The following VWF variants were observed in gnomAD, a reference collection of about 807,000 sequenced individuals.
The protein encoded by VWF is von Willebrand factor, also known as Factor VIII related antigen.
In VWF, 176 loss-of-function variants were observed where a neutral mutation model predicts 308.6. That is an observed-to-expected ratio of 0.57 (90% CI 0.50 to 0.65). The LOEUF (loss-of-function observed/expected upper bound fraction) is 0.65. Ranked by LOEUF, VWF falls within the 30% of genes least tolerant of loss-of-function variation. The pLI is 0.00. For missense variants in VWF, 3,146 were observed against 3,648.2 expected (o/e 0.86, Z 3.55); for synonymous variants, 1,385 against 1,443.4 (o/e 0.96, Z 0.92).
intron 5 of VWF, among the ~76,000 whole-genome samples, chr12:6,099,144 AC>A (rs1314950003): frequency 2.0e-5 from 3 of 151,764 alleles, no homozygotes; most frequent in Non-Finnish European, 4.4e-5. Context: ...ACATGGTGAA[AC>A]CCTGTTTCTA....
Position 6,100,334 on chromosome 12 carries a change from T to C in VWF, c.533-4750A>G, listed in dbSNP as rs7314380. On this transcript the variant is annotated intron_variant, in intron 5 of 51. Transcript: ENST00000261405. Reference sequence around the variant, plus strand: ...TCAACCATTGTGGAAGTCAGTGTGGTGATTCCTCAGGGATCTAGAACTAGA... The same window carrying C: ...TCAACCATTGTGGAAGTCAGTGTGGCGATTCCTCAGGGATCTAGAACTAGA... 9.0e-3 allele frequency among the ~76,000 whole-genome samples: 1,227 copies of C among 135,984 alleles called. 16 individuals are homozygous for C. Among genetic ancestry groups the C allele is most frequent in the African/African-American group, 0.027 (812 of 30,060 alleles). 89.2% of individuals were successfully genotyped at this position (135,984 alleles called of 152,430 possible).
intron 47 of VWF, among the ~76,000 whole-genome samples, chr12:5,966,671 C>T (rs571649377): frequency 4.6e-5 from 7 of 151,918 alleles, no homozygotes; most frequent in Admixed American, 1.3e-4. Flanking sequence ...ACTGTCTCAC[C>T]GAGCTGAGGG....
chr12:6,110,601 G>C lies in VWF; in HGVS notation c.324-19C>G. On this transcript the variant is annotated intron_variant, in intron 4 of 51. Transcript: ENST00000261405. ...GGAGACTCTGGAGGGCAAAGGCTAA[G>C]TTCAGAAGTGGGCTTCTTGTGCATT... 1 of 1,612,514 alleles carries C rather than the reference G, an allele frequency of 6.2e-7. No homozygotes were observed. The highest frequency in any genetic ancestry group is 8.5e-7 in the Non-Finnish European group (1 of 1,178,610).
intron 3 of VWF, among the ~76,000 whole-genome samples, chr12:6,118,432 G>A (rs1166238704): frequency 7.3e-6 from 1 of 137,084 alleles, no homozygotes; most frequent in Admixed American, 8.1e-5. Context: ...TCTGTGCCCA[G>A]GCTGGAGTGC....
chr12:6,044,312 G>A lies in VWF; in HGVS notation c.2421C>T (p.Gly807=). ...TCACCATGCCCGGGGGGCAGAGGCA[G>A]CCAGAGACACAGCCCATGCTCATGC... is the stretch of plus-strand genomic sequence containing the variant. ...LECMSMGCVS[G]CLCPPGMVRH... The change falls in exon 18 of 52, where the codon GGC becomes GGT. Residue 807 remains glycine, a synonymous_variant. Transcript: ENST00000261405. 6.2e-7 allele frequency: 1 copy of A among 1,614,144 alleles called. No individual in the cohort carries two copies. The highest frequency in any genetic ancestry group is 1.3e-5 in the African/African-American group (1 of 75,038).
At chr12:5,989,100 G>T (rs1288785118) in intron 38 of VWF, among the ~76,000 whole-genome samples, 1 of 152,134 alleles carries the variant, frequency 6.6e-6, no homozygotes, top group Non-Finnish European at 1.5e-5. Flanking sequence ...CTGGGCCATG[G>T]ACAAGGTTCC....
At chr12:6,095,327 T>G in intron 6 of VWF, 133 bp downstream of exon 6, 2 of 1,390,056 alleles carry the variant, frequency 1.4e-6, no homozygotes, top group Admixed American at 3.4e-5. Flanking sequence ...CTAGCCACAG[T>G]TAGTTTTGGA....
intron 6 of VWF, among the ~76,000 whole-genome samples, chr12:6,079,373 A>AGTG (rs1944878512): frequency 6.6e-6 from 1 of 152,140 alleles, no homozygotes; most frequent in South Asian, 2.1e-4. Context: ...TTTGGAGGCC[A>AGTG]AGGCGGGCGG....
intron 33 of VWF, 63 bp downstream of exon 33, chr12:6,012,024 T>C: frequency 1.3e-6 from 2 of 1,589,844 alleles, no homozygotes; most frequent in Non-Finnish European, 1.7e-6. Flanking sequence ...AATTAACCAG[T>C]GGGAACAAGA....
At chr12:6,078,040 T>TATC (rs141890617) in intron 6 of VWF, among the ~76,000 whole-genome samples, 375 of 152,138 alleles carry the variant, frequency 2.5e-3, no homozygotes, top group Middle Eastern at 0.014. Context: ...TGATGACCCC[T>TATC]ATCATCATCA....
At chr12:6,021,675 T>C in intron 27 of VWF, 2 of 558,944 alleles carry the variant, frequency 3.6e-6, no homozygotes, top group South Asian at 4.4e-5. Context: ...GGAATATATG[T>C]GGAGGAAGCA....
chr12:6,021,379 C>T (rs574742370), intron 27 of VWF: 8 of 161,814 alleles, frequency 4.9e-5, no homozygotes, highest in Non-Finnish European at 1.1e-4. Context: ...TTCCCAGAGG[C>T]AAGTCCAGTG....
At chr12:6,084,301 C>T (rs535330734) in intron 6 of VWF, among the ~76,000 whole-genome samples, 1 of 152,212 alleles carries the variant, frequency 6.6e-6, no homozygotes, top group African/African-American at 2.4e-5. Flanking sequence ...CTAATTTGCA[C>T]ACTTCCAGCA....
intron 28 of VWF, among the ~76,000 whole-genome samples, chr12:6,017,465 A>G (rs1186691606): frequency 2.0e-5 from 3 of 152,366 alleles, no homozygotes; most frequent in Admixed American, 1.3e-4. Context: ...ACAAAGAAAC[A>G]AAAGTACTGA....
In VWF at chr12:6,095,572, G is replaced by A. The variant is rs372719492; in HGVS notation, c.545C>T (p.Ser182Leu). The change falls in exon 6 of 52, where the codon TCG (serine) becomes TTG (leucine). Residue 182 changes from serine to leucine, a missense_variant. Physicochemically the swap from Ser to Leu is moderately radical, Grantham distance 145. This residue lies in a region of VWF where 1,304 missense variants were observed against 1,353.0 expected (regional missense o/e 0.96). Transcript: ENST00000261405. ...DFMTQEGTLTSDPYDFANSWA... is the reference protein window; with the variant it reads ...DFMTQEGTLTLDPYDFANSWA... ...TGAGTTGGCAAAGTCATAAGGGTCC[G>A]AGGTCAAGGTCCCTGTGGAGGAAAG... 32 of 1,614,062 alleles carry A rather than the reference G, an allele frequency of 2.0e-5. No individual in the cohort carries two copies. In the East Asian group the frequency reaches 2.0e-4, roughly 10 times the overall value.
intron 3 of VWF, among the ~76,000 whole-genome samples, chr12:6,118,925 G>A (rs1591929160): frequency 6.6e-6 from 1 of 152,300 alleles, no homozygotes; most frequent in South Asian, 2.1e-4. Flanking sequence ...TCTGAAGCAA[G>A]TTGGGACCCT....
chr12:6,095,644 GT>G (rs1327091771), intron 5 of VWF, 60 bp from the exon 6 acceptor site: 1 of 1,612,584 alleles, frequency 6.2e-7, no homozygotes, highest in East Asian at 2.2e-5. Context: ...GAACTTCTGG[GT>G]GAAAATTCTA....
At chr12:6,087,651 C>A (rs1281738392) in intron 6 of VWF, among the ~76,000 whole-genome samples, 5 of 151,756 alleles carry the variant, frequency 3.3e-5, no homozygotes, top group Non-Finnish European at 7.4e-5. Flanking sequence ...AGGCTGAGCC[C>A]CCGCGCCTGG....
At chr12:5,967,352 T>C (rs1943414651) in intron 47 of VWF, 134 bp downstream of exon 47, 1 of 821,376 alleles carries the variant, frequency 1.2e-6, no homozygotes, top group African/African-American at 1.7e-5. Flanking sequence ...GTCTCTTCTT[T>C]ATTATTGTCA....
Sources: allele counts gnomAD v4.1 joint callset (sites outside exome capture counted in the v4.1 genomes callset), GRCh38; gene constraint gnomAD v4.1.1; regional missense constraint gnomAD v4.1.1; transcripts MANE v1.5; gene names NCBI Gene and HGNC (gene_info 2026-07-23, HGNC 2026-07-21).